LRP1B: variants seen among roughly 807,000 people sequenced by gnomAD.
The protein encoded by LRP1B is low-density lipoprotein receptor-related protein 1B.
In LRP1B, 217 loss-of-function variants were observed where a neutral mutation model predicts 556.6. That is an observed-to-expected ratio of 0.39 (90% CI 0.35 to 0.44). LRP1B has a LOEUF of 0.44. LRP1B is among the 20% of genes least tolerant of loss of function. The pLI is 1.00. For synonymous variants in LRP1B, 2,047 were observed against 1,865.8 expected, an observed-to-expected ratio of 1.10 and a Z score of -2.50; for missense variants, 5,053 against 5,620.8, an observed-to-expected ratio of 0.90 and a Z score of 3.23.
chr2:141,490,403 T>TC lies in LRP1B; in HGVS notation c.206-9871dup, dbSNP rs1559101644. On this transcript the variant is annotated intron_variant, in intron 2 of 90. Coordinates refer to ENST00000389484, the MANE Select transcript of LRP1B (RefSeq NM_018557.3). ...TGTGTGTGTGTGTGTGTGTGTGTTTTCTGCTAACTTTAGAATATATCAAGT... is the reference window on the plus strand; with the variant it reads ...TGTGTGTGTGTGTGTGTGTGTGTTTTCCTGCTAACTTTAGAATATATCAAGT... Among the ~76,000 whole-genome samples the TC allele has an allele frequency of 4.4e-4, 41 of 92,636 alleles. 1 individual carries two copies. The highest frequency in any genetic ancestry group is 2.9e-3 in the South Asian group (8 of 2,766). 60.8% of individuals were successfully genotyped at this position (92,636 alleles called of 152,430 possible).
At chr2:141,454,866 A>G (rs1312659348) in intron 3 of LRP1B, among the ~76,000 whole-genome samples, 1 of 152,202 alleles carries the variant, frequency 6.6e-6, no homozygotes, top group Non-Finnish European at 1.5e-5. Flanking sequence ...CTTTCTCCTT[A>G]TCATTACTGA....
At chr2:140,421,728 C>T (rs1206497504) in intron 66 of LRP1B, among the ~76,000 whole-genome samples, 3 of 152,142 alleles carry the variant, frequency 2.0e-5, no homozygotes, top group African/African-American at 7.2e-5. Flanking sequence ...TTTAACCTCT[C>T]ATCAGCTTTC....
chr2:140,375,070 T>C (rs930023164), intron 68 of LRP1B, among the ~76,000 whole-genome samples: 1 of 152,080 alleles, frequency 6.6e-6, no homozygotes, highest in Non-Finnish European at 1.5e-5. Context: ...ATTTGACTAA[T>C]TGCACCCTAA....
intron 27 of LRP1B, among the ~76,000 whole-genome samples, chr2:140,861,799 G>T (rs562104253): frequency 1.3e-5 from 2 of 152,302 alleles, no homozygotes; most frequent in East Asian, 1.9e-4. Flanking sequence ...CAAATCCAAT[G>T]AATGCATTTA....
chr2:142,093,784 C>T (rs1472676782), intron 1 of LRP1B, among the ~76,000 whole-genome samples: 3 of 151,982 alleles, frequency 2.0e-5, no homozygotes, highest in Non-Finnish European at 4.4e-5. Context: ...GTCATAGATG[C>T]AAGTGATCAA....
intron 2 of LRP1B, among the ~76,000 whole-genome samples, chr2:141,756,544 T>TACACAC (rs35271250): frequency 0.012 from 1,743 of 143,446 alleles, 15 homozygotes; most frequent in Middle Eastern, 0.017. Flanking sequence ...TCTCTCAAAT[T>TACACAC]ACACACACAC....
At chr2:142,110,127 T>C (rs1201393306) in intron 1 of LRP1B, among the ~76,000 whole-genome samples, 1 of 152,132 alleles carries the variant, frequency 6.6e-6, no homozygotes, top group South Asian at 2.1e-4. Flanking sequence ...CTTAGAAGCA[T>C]TGAACATGTA....
intron 77 of LRP1B, among the ~76,000 whole-genome samples, chr2:140,339,072 A>C (rs1037200175): frequency 2.6e-5 from 4 of 151,744 alleles, no homozygotes; most frequent in Admixed American, 2.0e-4. Context: ...AAGCTCTCTA[A>C]ATACACAGCC....
At chr2:141,957,393 G>A (rs971783349) in intron 1 of LRP1B, among the ~76,000 whole-genome samples, 22 of 121,666 alleles carry the variant, frequency 1.8e-4, no homozygotes, top group African/African-American at 5.7e-4. Flanking sequence ...TGGGGGGGGG[G>A]GGGCGGGGGG....
chr2:141,283,521 A>G (rs1257403646), intron 3 of LRP1B, among the ~76,000 whole-genome samples: 1 of 152,066 alleles, frequency 6.6e-6, no homozygotes, highest in Non-Finnish European at 1.5e-5. Flanking sequence ...GGAATCACTG[A>G]AGGATTAGGA....
chr2:142,020,494 A>G (rs905079391), intron 1 of LRP1B, among the ~76,000 whole-genome samples: 4 of 152,166 alleles, frequency 2.6e-5, no homozygotes, highest in Admixed American at 2.6e-4. Context: ...ACAGGCCACT[A>G]AGCTATTAAT....
chr2:142,090,306 G>T (rs972234468), intron 1 of LRP1B, among the ~76,000 whole-genome samples: 1 of 152,056 alleles, frequency 6.6e-6, no homozygotes, highest in African/African-American at 2.4e-5. Flanking sequence ...ATGAGGATCA[G>T]ATACATACTC....
At chr2:140,915,761 G>A (rs143836596) in intron 21 of LRP1B, among the ~76,000 whole-genome samples, 137 of 151,178 alleles carry the variant, frequency 9.1e-4, no homozygotes, top group Non-Finnish European at 1.7e-3. Context: ...GGACTGAAGG[G>A]AAACAACTAG....
At chr2:141,318,901 C>T (rs10171947) in intron 3 of LRP1B, among the ~76,000 whole-genome samples, 35,906 of 151,920 alleles carry the variant, frequency 0.24, 5,082 homozygotes, top group East Asian at 0.51. Context: ...AAAACTAGAT[C>T]ACTGGGATAA....
intron 2 of LRP1B, among the ~76,000 whole-genome samples, chr2:141,589,190 A>T (rs1687242164): frequency 1.3e-5 from 2 of 152,178 alleles, no homozygotes; most frequent in Non-Finnish European, 2.9e-5. Context: ...GCTAAAGTTT[A>T]ACCTTTTAAA....
chr2:140,814,864 C>T (rs1456485906), intron 31 of LRP1B, among the ~76,000 whole-genome samples: 2 of 152,110 alleles, frequency 1.3e-5, no homozygotes, highest in African/African-American at 2.4e-5. Context: ...GGCAACTTCA[C>T]ATATTACAGT....
intron 31 of LRP1B, among the ~76,000 whole-genome samples, chr2:140,815,047 A>G (rs1362942734): frequency 6.6e-6 from 1 of 152,128 alleles, no homozygotes; most frequent in African/African-American, 2.4e-5. Flanking sequence ...ACGGAAAAGT[A>G]CATGTGGGCA....
At chr2:141,435,044 A>T (rs1293576244) in intron 3 of LRP1B, among the ~76,000 whole-genome samples, 1 of 152,138 alleles carries the variant, frequency 6.6e-6, no homozygotes, top group Non-Finnish European at 1.5e-5. Flanking sequence ...TCAATCAGGG[A>T]CTAATAGTTT....
intron 43 of LRP1B, among the ~76,000 whole-genome samples, chr2:140,546,954 C>T (rs1278896688): frequency 6.6e-6 from 1 of 151,890 alleles, no homozygotes; most frequent in Non-Finnish European, 1.5e-5. Context: ...GATGAATCAC[C>T]TTTATTGATT....
Sources: allele counts gnomAD v4.1 joint callset (sites outside exome capture counted in the v4.1 genomes callset), GRCh38; gene constraint gnomAD v4.1.1; transcripts MANE v1.5; gene names NCBI Gene and HGNC (gene_info 2026-07-23, HGNC 2026-07-21).